Variants in RBFOX1 observed in about 807,000 individuals in gnomAD.
RBFOX1 encodes RNA binding fox-1 homolog 1, also known as RNA binding protein fox-1 homolog 1.
A neutral mutation model predicts 57.7 loss-of-function variants in RBFOX1; 8 were observed. The observed-to-expected ratio is 0.14, with a 90% CI of 0.08 to 0.25. The LOEUF (loss-of-function observed/expected upper bound fraction) is 0.25. Among genes scored for constraint, RBFOX1 ranks in the 10% least tolerant of loss-of-function variants. The pLI is 1.00. For synonymous variants in RBFOX1, 326 were observed against 222.4 expected, an observed-to-expected ratio of 1.47 and a Z score of -4.15; for missense variants, 611 against 548.5, an observed-to-expected ratio of 1.11 and a Z score of -1.14.
chr16:7,266,573 C>G (rs988012875), intron 4 of RBFOX1, among the ~76,000 whole-genome samples: 1 of 152,268 alleles, frequency 6.6e-6, no homozygotes, highest in East Asian at 1.9e-4. Flanking sequence ...AATCACCTCA[C>G]CAAAGCTCTA....
At chr16:7,231,738 T>A (rs7192240) in intron 4 of RBFOX1, among the ~76,000 whole-genome samples, 50,134 of 151,994 alleles carry the variant, frequency 0.33, 9,830 homozygotes, top group African/African-American at 0.55. Flanking sequence ...AAGGAGCTAC[T>A]GTTACATGCT....
chr16:6,194,136 C>T (rs1340733110), intron 1 of RBFOX1, among the ~76,000 whole-genome samples: 1 of 152,142 alleles, frequency 6.6e-6, no homozygotes, highest in Non-Finnish European at 1.5e-5. Context: ...TTCCCTCATC[C>T]TCTCTCAGTT....
rs534911875 is a variant in RBFOX1 at position 7,373,072 on chromosome 16, C to G, written c.28-145075C>G. On this transcript the variant is annotated intron_variant, in intron 4 of 15. Transcript: ENST00000550418. ...TCAGCCTCCCGAGTAGCTGGGACTA[C>G]AGGTGCCTGCCACCATGCGTGGCTA... Among the ~76,000 whole-genome samples, 23 of 151,994 alleles carry G rather than the reference C, an allele frequency of 1.5e-4. No homozygotes were observed. In the East Asian group the frequency reaches 3.9e-3, roughly 26 times the overall value.
chr16:6,986,069 T>C lies in RBFOX1; in HGVS notation c.-15-65988T>C, dbSNP rs1032789421. ...CCAATTTTTAAATTTCATTTGTCTT[T>C]TTAAAAATGTGCAATATTTTTTCAA... is the stretch of plus-strand genomic sequence containing the variant. On this transcript the variant is annotated intron_variant, in intron 3 of 15. Transcript: ENST00000550418. Among the ~76,000 whole-genome samples, 58 of 151,636 alleles carry C rather than the reference T, an allele frequency of 3.8e-4. 1 individual carries two copies. The highest frequency in any genetic ancestry group is 1.4e-3 in the African/African-American group (58 of 41,388).
chr16:7,074,399 A>C (rs1322224199), intron 4 of RBFOX1, among the ~76,000 whole-genome samples: 2 of 152,226 alleles, frequency 1.3e-5, no homozygotes, highest in Non-Finnish European at 2.9e-5. Flanking sequence ...ATAATGGCAA[A>C]AGCTGCAATT....
chr16:7,201,841 G>C (rs1309512896), intron 4 of RBFOX1, among the ~76,000 whole-genome samples: 3 of 152,162 alleles, frequency 2.0e-5, no homozygotes, highest in African/African-American at 7.2e-5. Context: ...AAGCTCATTT[G>C]GGCAGTGACT....
chr16:7,251,177 C>T (rs1351966229), intron 4 of RBFOX1, among the ~76,000 whole-genome samples: 2 of 151,232 alleles, frequency 1.3e-5, no homozygotes, highest in Non-Finnish European at 2.9e-5. Context: ...CAACCCCAAT[C>T]CCACCCCAGC....
intron 4 of RBFOX1, among the ~76,000 whole-genome samples, chr16:7,491,478 T>A (rs1212904700): frequency 6.6e-6 from 1 of 151,426 alleles, no homozygotes; most frequent in Non-Finnish European, 1.5e-5. Flanking sequence ...ACAGGTGATG[T>A]GATCCCTCTG....
At chr16:6,816,761 A>G (rs980145996) in intron 3 of RBFOX1, among the ~76,000 whole-genome samples, 3 of 151,652 alleles carry the variant, frequency 2.0e-5, no homozygotes, top group Non-Finnish European at 4.4e-5. Flanking sequence ...AAAGGAAGAA[A>G]AGAAACAGGG....
At chr16:6,459,731 C>CT in intron 2 of RBFOX1, among the ~76,000 whole-genome samples, 1 of 151,872 alleles carries the variant, frequency 6.6e-6, no homozygotes, top group East Asian at 2.0e-4. Flanking sequence ...AATCCCAGCA[C>CT]TTTGGGAGGC....
chr16:7,663,057 G>C (rs922631409), intron 12 of RBFOX1, among the ~76,000 whole-genome samples: 4 of 152,220 alleles, frequency 2.6e-5, no homozygotes, highest in Non-Finnish European at 5.9e-5. Context: ...ATGGCAGCAT[G>C]AAAGAATGGG....
intron 1 of RBFOX1, among the ~76,000 whole-genome samples, chr16:6,214,138 C>T (rs7190104): frequency 0.25 from 37,460 of 152,098 alleles, 5,397 homozygotes; most frequent in African/African-American, 0.39. Flanking sequence ...GAGACAAACC[C>T]GTTGTCATTG....
chr16:5,931,756 A>C (rs1444111228), intron 4 of RBFOX1, among the ~76,000 whole-genome samples: 1 of 152,154 alleles, frequency 6.6e-6, no homozygotes, highest in Admixed American at 6.5e-5. Flanking sequence ...TACCCGTCTC[A>C]TGCATATACC....
At chr16:5,927,259 A>T (rs994279604) in intron 4 of RBFOX1, among the ~76,000 whole-genome samples, 1 of 152,244 alleles carries the variant, frequency 6.6e-6, no homozygotes, top group Non-Finnish European at 1.5e-5. Flanking sequence ...TAAAAAGGAG[A>T]TACAAAAATA....
intron 3 of RBFOX1, among the ~76,000 whole-genome samples, chr16:5,774,532 C>T (rs1442401415): frequency 6.6e-6 from 1 of 152,192 alleles, no homozygotes; most frequent in African/African-American, 2.4e-5. Context: ...AGCTTCCTTC[C>T]ACATATCCTA....
intron 1 of RBFOX1, among the ~76,000 whole-genome samples, chr16:5,368,887 A>G (rs1466126729): frequency 6.6e-6 from 1 of 152,080 alleles, no homozygotes; most frequent in Admixed American, 6.5e-5. Context: ...TCCACTTTTT[A>G]TGTGATATGA....
intron 1 of RBFOX1, among the ~76,000 whole-genome samples, chr16:5,312,925 CTGTT>C: frequency 6.6e-6 from 1 of 152,316 alleles, no homozygotes; most frequent in South Asian, 2.1e-4. Context: ...CATGGTGCCT[CTGTT>C]TGGCTTGCTT....
chr16:5,710,691 C>T (rs2051452304), intron 3 of RBFOX1, among the ~76,000 whole-genome samples: 2 of 152,186 alleles, frequency 1.3e-5, no homozygotes, highest in Non-Finnish European at 2.9e-5. Flanking sequence ...ACCATGCTGA[C>T]ATTGTCTCAG....
At chr16:6,146,880 G>A (rs1222379825) in intron 1 of RBFOX1, among the ~76,000 whole-genome samples, 2 of 152,170 alleles carry the variant, frequency 1.3e-5, no homozygotes, top group African/African-American at 2.4e-5. Flanking sequence ...GTTAGTATCT[G>A]AGAGGCATCA....
Sources: gnomAD v4.1 joint callset for allele counts (sites outside exome capture counted in the v4.1 genomes callset) on GRCh38, gnomAD v4.1.1 for gene constraint, MANE v1.5 for transcripts, NCBI Gene and HGNC (gene_info 2026-07-23, HGNC 2026-07-21) for gene names.